NT5C2: variants seen among roughly 807,000 people sequenced by gnomAD.
NT5C2 encodes the protein 5'-nucleotidase, cytosolic II.
A neutral mutation model predicts 76.1 loss-of-function variants in NT5C2; 58 were observed. The ratio of observed to expected loss-of-function variants is 0.76; its 90% CI spans 0.62 to 0.95. The LOEUF is 0.95. Among genes scored for constraint, NT5C2 ranks in the 40% least tolerant of loss-of-function variants. The pLI is 0.00. For synonymous variants in NT5C2, 229 were observed against 237.4 expected, an observed-to-expected ratio of 0.96 and a Z score of 0.32; for missense variants, 478 against 690.3, an observed-to-expected ratio of 0.69 and a Z score of 3.45.
intron 9 of NT5C2, among the ~76,000 whole-genome samples, chr10:103,099,290 GT>G (rs1269152569): frequency 1.3e-5 from 2 of 152,146 alleles, no homozygotes; most frequent in East Asian, 3.9e-4. Flanking sequence ...GCCCAGGCTA[GT>G]CTTGAACTCC....
At chr10:103,157,813 A>C (rs1485239124) in intron 3 of NT5C2, among the ~76,000 whole-genome samples, 4 of 152,142 alleles carry the variant, frequency 2.6e-5, no homozygotes, top group African/African-American at 9.7e-5. Flanking sequence ...GGTGGCTCAC[A>C]CCTGTAATCC....
intron 1 of NT5C2, among the ~76,000 whole-genome samples, chr10:103,190,373 T>C (rs1209938212): frequency 1.3e-5 from 2 of 152,186 alleles, no homozygotes; most frequent in East Asian, 3.8e-4. Flanking sequence ...CTATTAATCA[T>C]ACCCTCAATA....
Position 103,180,814 on chromosome 10 carries a change from T to TA in NT5C2, c.-25+370dup, listed in dbSNP as rs1331033552. Among the ~76,000 whole-genome samples, 7 of 151,976 alleles carry TA rather than the reference T, an allele frequency of 4.6e-5. 1 individual carries two copies. Among genetic ancestry groups the TA allele is most frequent in the South Asian group, 2.1e-4 (1 of 4,810 alleles). The stretch of plus-strand genomic sequence containing the variant: ...CAAATGTTATCCACAAGTAAATGGA[T>TA]AAAAAAAATTATGGTACATCTGTAC... On this transcript the variant is annotated intron_variant, in intron 2 of 18. Coordinates refer to ENST00000404739, the MANE Select transcript of NT5C2 (RefSeq NM_001351169.2).
chr10:103,139,464 T>G lies in NT5C2; in HGVS notation c.117A>C (p.Arg39=), dbSNP rs752562315. The change falls in exon 4 of 19, where the codon CGA becomes CGC. Residue 39 remains arginine, a synonymous_variant. Coordinates refer to ENST00000404739, the MANE Select transcript of NT5C2 (RefSeq NM_001351169.2). ...REAYHRVFVN[R]SLAMEKIKCF... ...ACTTTATCTTTTCCATTGCTAAACT[T>G]CGGTTCACAAACACCCTATAGAAAA... 1.9e-5 allele frequency: 30 copies of G among 1,576,468 alleles called. No homozygotes were observed. Among genetic ancestry groups the G allele is most frequent in the Non-Finnish European group, 2.5e-5 (29 of 1,157,380 alleles).
At chr10:103,189,442 C>T (rs960668872) in intron 1 of NT5C2, among the ~76,000 whole-genome samples, 14 of 151,640 alleles carry the variant, frequency 9.2e-5, no homozygotes, top group African/African-American at 3.4e-4. Context: ...CCCATCTCTA[C>T]TAAAAATACA....
At chr10:103,115,368 T>C (rs1218507386) in intron 4 of NT5C2, among the ~76,000 whole-genome samples, 2 of 152,114 alleles carry the variant, frequency 1.3e-5, no homozygotes, top group Non-Finnish European at 2.9e-5. Flanking sequence ...TGCCAATGCA[T>C]TCTTGCCTGG....
chr10:103,103,503 T>G (rs1359362926), intron 6 of NT5C2, among the ~76,000 whole-genome samples: 1 of 152,216 alleles, frequency 6.6e-6, no homozygotes, highest in East Asian at 1.9e-4. Flanking sequence ...TTAACATTTA[T>G]TAGGCAGTTA....
intron 1 of NT5C2, 138 bp from the exon 2 acceptor site, chr10:103,181,466 A>C (rs1259606754): frequency 6.6e-6 from 1 of 152,256 alleles, no homozygotes; most frequent in East Asian, 1.9e-4. Context: ...CAGGAAGCAA[A>C]GAGCAACTGA....
chr10:103,161,064 T>G (rs1175852457), intron 3 of NT5C2, among the ~76,000 whole-genome samples: 1 of 152,168 alleles, frequency 6.6e-6, no homozygotes, highest in Non-Finnish European at 1.5e-5. Flanking sequence ...ATTCATACAC[T>G]GCTAGAGGGA....
At chr10:103,146,568 A>G (rs2081518715) in intron 3 of NT5C2, 3 of 393,142 alleles carry the variant, frequency 7.6e-6, no homozygotes, top group Non-Finnish European at 1.0e-5. Flanking sequence ...TTTACTTAAT[A>G]GAAAATGCTA....
intron 4 of NT5C2, among the ~76,000 whole-genome samples, chr10:103,116,933 T>C (rs923641039): frequency 2.0e-5 from 3 of 152,154 alleles, no homozygotes; most frequent in African/African-American, 4.8e-5. Flanking sequence ...GAAAACCTGT[T>C]CTACCAACAG....
intron 3 of NT5C2, among the ~76,000 whole-genome samples, chr10:103,171,501 G>C (rs573529463): frequency 1.3e-5 from 2 of 152,218 alleles, no homozygotes; most frequent in East Asian, 3.9e-4. Context: ...TAGACTTCCT[G>C]TAGTTCCCAT....
chr10:103,095,769 T>G (rs1485095450), intron 12 of NT5C2, among the ~76,000 whole-genome samples, 170 bp downstream of exon 12: 1 of 152,210 alleles, frequency 6.6e-6, no homozygotes, highest in Non-Finnish European at 1.5e-5. Context: ...TGATTTTAAA[T>G]TCTACTAGCT....
chr10:103,123,018 T>G (rs2075979339), intron 4 of NT5C2, among the ~76,000 whole-genome samples: 1 of 152,218 alleles, frequency 6.6e-6, no homozygotes, highest in Non-Finnish European at 1.5e-5. Flanking sequence ...CTCACTAATC[T>G]GTCTTTTCTT....
At chr10:103,119,372 A>G (rs1476551956) in intron 4 of NT5C2, among the ~76,000 whole-genome samples, 2 of 152,100 alleles carry the variant, frequency 1.3e-5, no homozygotes, top group Admixed American at 1.3e-4. Flanking sequence ...TTTGTCTCCA[A>G]AAAAAAGTCA....
chr10:103,155,338 T>C (rs1026874796), intron 3 of NT5C2, among the ~76,000 whole-genome samples: 2 of 152,244 alleles, frequency 1.3e-5, no homozygotes, highest in Admixed American at 6.5e-5. Flanking sequence ...CTTTATTTAT[T>C]ACCTCATCTA....
At position 103,174,197 on chromosome 10, in the gene NT5C2, A is replaced by G. The variant is rs149162306; in HGVS notation, c.101+661T>C. The stretch of plus-strand genomic sequence containing the variant: ...TGAGGTGGGGAGATCACTTGAGGCC[A>G]GGAGTTCAAGATCACCCTGGCCAAC... On this transcript the variant is annotated intron_variant, in intron 3 of 18. Coordinates refer to ENST00000404739, the MANE Select transcript of NT5C2 (RefSeq NM_001351169.2). Among the ~76,000 whole-genome samples the G allele has an allele frequency of 4.1e-3, 620 of 152,252 alleles. 20 individuals carry two copies. The East Asian group carries it at 0.073, about 18-fold the overall frequency.
chr10:103,139,356 G>A, intron 4 of NT5C2, 50 bp downstream of exon 4: 2 of 1,261,550 alleles, frequency 1.6e-6, no homozygotes, highest in Non-Finnish European at 2.2e-6. Context: ...TGAACCCACT[G>A]TGTTATACCC....
chr10:103,125,606 C>T (rs556269244), intron 4 of NT5C2, among the ~76,000 whole-genome samples: 1 of 152,232 alleles, frequency 6.6e-6, no homozygotes, highest in South Asian at 2.1e-4. Flanking sequence ...CTCATTTACT[C>T]GGAAAAGAAT....
Sources: gnomAD v4.1 joint callset for allele counts (sites outside exome capture counted in the v4.1 genomes callset) on GRCh38, gnomAD v4.1.1 for gene constraint, MANE v1.5 for transcripts, NCBI Gene and HGNC (gene_info 2026-07-23, HGNC 2026-07-21) for gene names.